PLB1: variants seen among roughly 807,000 people sequenced by gnomAD.
PLB1 encodes the protein phospholipase B1, membrane-associated.
Under a neutral mutation model 227.4 loss-of-function variants are expected in PLB1, and 242 were observed. The observed-to-expected ratio is 1.06, with a 90% CI of 0.96 to 1.18. The LOEUF (loss-of-function observed/expected upper bound fraction) is 1.18. PLB1 is among the 50% of genes most tolerant of loss of function. PLB1 has a pLI of 0.00. For synonymous variants in PLB1, 757 were observed against 682.2 expected (o/e 1.11, Z -1.71); for missense variants, 1,858 against 1,816.3 (o/e 1.02, Z -0.42).
chr2:28,535,453 C>T (rs1671559123), intron 9 of PLB1, among the ~76,000 whole-genome samples: 1 of 152,250 alleles, frequency 6.6e-6, no homozygotes, highest in African/African-American at 2.4e-5. Context: ...TGTTGCCCTT[C>T]TCACAGCCCA....
chr2:28,608,360 A>C (rs1365211541), intron 43 of PLB1, among the ~76,000 whole-genome samples: 1 of 152,178 alleles, frequency 6.6e-6, no homozygotes, highest in Non-Finnish European at 1.5e-5. Context: ...GCCAGGCAGC[A>C]CCTATTTTTG....
At chr2:28,538,601 T>G (rs1375011103) in intron 10 of PLB1, among the ~76,000 whole-genome samples, 2 of 152,108 alleles carry the variant, frequency 1.3e-5, no homozygotes, top group Non-Finnish European at 2.9e-5. Context: ...GAAACTCGGC[T>G]CTTCCTTGAG....
chr2:28,630,939 C>T (rs754879309), intron 54 of PLB1, among the ~76,000 whole-genome samples: 2 of 152,088 alleles, frequency 1.3e-5, no homozygotes, highest in Non-Finnish European at 2.9e-5. Context: ...GCCCATTCCC[C>T]ACCCAGAGCC....
chr2:28,585,278 T>C (rs923085239), intron 25 of PLB1, among the ~76,000 whole-genome samples: 3 of 152,018 alleles, frequency 2.0e-5, no homozygotes, highest in Non-Finnish European at 4.4e-5. Flanking sequence ...AATTTTTCTT[T>C]TTTTTTTTTT....
chr2:28,611,585 GTT>G (rs1474909583), intron 43 of PLB1, among the ~76,000 whole-genome samples: 3 of 152,176 alleles, frequency 2.0e-5, no homozygotes, highest in Non-Finnish European at 4.4e-5. Context: ...CCAATTGTGA[GTT>G]TCTCTCTCTC....
intron 51 of PLB1, among the ~76,000 whole-genome samples, chr2:28,627,444 T>C (rs1376338706): frequency 1.3e-5 from 2 of 152,220 alleles, no homozygotes; most frequent in Non-Finnish European, 2.9e-5. Context: ...CAGTCAGGTT[T>C]ATACTTCCGA....
rs1000332497 is a variant in PLB1 at position 28,591,765 on chromosome 2, G to A, written c.2188+5G>A. On this transcript the variant is annotated splice_donor_5th_base_variant and intron_variant, in intron 31 of 57. Transcript: ENST00000327757. The stretch of plus-strand genomic sequence containing the variant: ...CTGCCTTGCACCCTACCTCAGGTAA[G>A]CCCCCTATGGCACAGCAGGACCCAG... 3.1e-6 allele frequency: 5 copies of A among 1,613,496 alleles called. No individual in the cohort carries two copies. In the African/African-American group the frequency reaches 4.0e-5, roughly 13 times the overall value.
rs1230559415 is a variant in PLB1 at position 28,605,009 on chromosome 2, T to G, written c.2961+250T>G. On this transcript the variant is annotated intron_variant, in intron 41 of 57. Transcript: ENST00000327757. ...GCACTGTGCTTCCCATAGATAAAAC[T>G]GTCACATCTGCCTTTGGAAATGAGT... Among the ~76,000 whole-genome samples, 10 of 152,168 alleles carry G rather than the reference T, an allele frequency of 6.6e-5. No homozygotes were observed. In the East Asian group the frequency reaches 1.9e-3, roughly 29 times the overall value.
In PLB1 at chr2:28,629,272, G is replaced by C; in HGVS notation, c.3818+87G>C. Reference sequence around the variant, plus strand: ...CCAAAGGAGGAGACCAGTTGAGGCAGAGCCAGGCAGGCCTGCCAGAGGGTA... The same window carrying C: ...CCAAAGGAGGAGACCAGTTGAGGCACAGCCAGGCAGGCCTGCCAGAGGGTA... On this transcript the variant is annotated intron_variant, in intron 53 of 57. Transcript: ENST00000327757. 3 of 1,234,582 alleles carry C rather than the reference G, an allele frequency of 2.4e-6. No homozygotes were observed. The South Asian group carries it at 4.2e-5, about 17-fold the overall frequency. The allele number at this position is 1,234,582 out of a possible 1,614,324, so 76.5% of individuals were successfully genotyped here.
At chr2:28,567,071 G>A (rs1677075911) in intron 20 of PLB1, among the ~76,000 whole-genome samples, 1 of 152,088 alleles carries the variant, frequency 6.6e-6, no homozygotes, top group South Asian at 2.1e-4. Context: ...GGGGCGGGGA[G>A]GTGTCAAAAA....
intron 9 of PLB1, among the ~76,000 whole-genome samples, chr2:28,533,995 C>G (rs55691554): frequency 0.11 from 17,480 of 152,180 alleles, 1,207 homozygotes; most frequent in East Asian, 0.21. Context: ...TCCTCTGTCT[C>G]TTTTTCTTTG....
Position 28,529,807 on chromosome 2 carries a change from C to T in PLB1, c.468+28C>T, listed in dbSNP as rs199921421. The stretch of plus-strand genomic sequence containing the variant: ...AAGCATCCGTCCAACTCTGGCATGG[C>T]TGGGCTGCCTGGCTTTGCTGCAAGG... On this transcript the variant is annotated intron_variant, in intron 8 of 57. Coordinates refer to ENST00000327757, the MANE Select transcript of PLB1 (RefSeq NM_153021.5). 5.2e-5 allele frequency: 83 copies of T among 1,611,156 alleles called. No individual in the cohort carries two copies. In the East Asian group the frequency reaches 1.4e-3, roughly 28 times the overall value.
chr2:28,616,008 C>T (rs1327463719), intron 44 of PLB1, among the ~76,000 whole-genome samples: 1 of 152,064 alleles, frequency 6.6e-6, no homozygotes, highest in Non-Finnish European at 1.5e-5. Flanking sequence ...TCACCATATG[C>T]GGAAGCTTAA....
intron 52 of PLB1, among the ~76,000 whole-genome samples, chr2:28,628,873 G>C (rs1038041304): frequency 8.5e-5 from 13 of 152,184 alleles, no homozygotes; most frequent in Non-Finnish European, 5.9e-5. Context: ...GCCCAGCACT[G>C]TGGCTTCGGG....
At chr2:28,623,218 G>A (rs1166005652) in intron 49 of PLB1, among the ~76,000 whole-genome samples, 1 of 152,212 alleles carries the variant, frequency 6.6e-6, no homozygotes, top group Non-Finnish European at 1.5e-5. Context: ...TCAACAGCAA[G>A]TTGGTAGCAG....
chr2:28,618,231 A>C (rs757895605), intron 45 of PLB1, 110 bp from the exon 46 acceptor site: 33 of 1,018,650 alleles, frequency 3.2e-5, no homozygotes, highest in Non-Finnish European at 4.8e-5. Context: ...AGCTGAAAAT[A>C]AGTACAATGG....
chr2:28,614,952 CTT>C (rs1306343981), intron 44 of PLB1, among the ~76,000 whole-genome samples: 2 of 150,830 alleles, frequency 1.3e-5, no homozygotes, highest in Non-Finnish European at 3.0e-5. Context: ...AGAAAGGTGT[CTT>C]ATATACATGG....
intron 20 of PLB1, among the ~76,000 whole-genome samples, chr2:28,569,024 G>A (rs768927025): frequency 1.8e-4 from 28 of 152,144 alleles, no homozygotes; most frequent in African/African-American, 6.8e-4. Context: ...AATAGAAATC[G>A]GAGCAATTTC....
chr2:28,498,585 C>T (rs1254399390), intron 1 of PLB1, among the ~76,000 whole-genome samples: 1 of 152,044 alleles, frequency 6.6e-6, no homozygotes, highest in Non-Finnish European at 1.5e-5. Flanking sequence ...ATGCAGATAC[C>T]CAGTTGTCTC....
Sources: gnomAD v4.1 joint callset for allele counts (sites outside exome capture counted in the v4.1 genomes callset) on GRCh38, gnomAD v4.1.1 for gene constraint, MANE v1.5 for transcripts, NCBI Gene and HGNC (gene_info 2026-07-23, HGNC 2026-07-21) for gene names.